The following C19orf38 variants were observed in gnomAD, a reference collection of about 807,000 sequenced individuals.
C19orf38 encodes protein HIDE1.
A neutral mutation model predicts 26.6 loss-of-function variants in C19orf38; 14 were observed. The ratio of observed to expected loss-of-function variants is 0.53; its 90% CI spans 0.35 to 0.82. C19orf38 has a LOEUF of 0.82. C19orf38 is among the 40% of genes least tolerant of loss of function. The pLI, the probability that C19orf38 is intolerant of heterozygous loss-of-function variation, is 0.01. For missense variants in C19orf38, 261 were observed against 299.5 expected, an observed-to-expected ratio of 0.87 and a Z score of 0.95; for synonymous variants, 132 against 128.5, an observed-to-expected ratio of 1.03 and a Z score of -0.18.
At chr19:10,848,051 C>T (rs952163422), upstream of C19orf38, among the ~76,000 whole-genome samples, 1 of 152,022 alleles carries the variant, frequency 6.6e-6, no homozygotes, top group African/African-American at 2.4e-5. Flanking sequence ...ATTAGCTGTG[C>T]ATGATGGCTC....
chr19:10,851,277 C>T (rs1023185684), intron 2 of C19orf38, among the ~76,000 whole-genome samples: 37 of 151,098 alleles, frequency 2.4e-4, no homozygotes, highest in Non-Finnish European at 8.8e-5. Flanking sequence ...CAGTCTCGAA[C>T]CCCTGACCTC....
chr19:10,840,567 G>A (rs1416945650), intron 1 of C19orf38, among the ~76,000 whole-genome samples: 1 of 152,156 alleles, frequency 6.6e-6, no homozygotes, highest in African/African-American at 2.4e-5. Context: ...TTGCCAGGCT[G>A]GAGTACAGTG....
intron 5 of C19orf38, among the ~76,000 whole-genome samples, chr19:10,861,060 T>C (rs531833398): frequency 6.9e-6 from 1 of 144,494 alleles, no homozygotes; most frequent in African/African-American, 2.6e-5. Context: ...GGAGAATCAC[T>C]TGAACCCAGG....
At chr19:10,857,359 TATATA>T (rs1210842659) in intron 3 of C19orf38, among the ~76,000 whole-genome samples, 2 of 87,646 alleles carry the variant, frequency 2.3e-5, no homozygotes, top group African/African-American at 1.6e-4. Flanking sequence ...TATATATATA[TATATA>T]TATTTTTTTT....
chr19:10,848,190 C>CA (rs1281420821), upstream of C19orf38, among the ~76,000 whole-genome samples: 7 of 151,744 alleles, frequency 4.6e-5, no homozygotes, highest in East Asian at 1.4e-3. Context: ...GACTCTGTCT[C>CA]AAAAAATAAA....
chr19:10,850,300 C>T lies in C19orf38; in HGVS notation c.73C>T (p.Pro25Ser). 1 of 1,550,990 alleles carries T rather than the reference C, an allele frequency of 6.4e-7. No homozygotes were observed. Among genetic ancestry groups the T allele is most frequent in the Non-Finnish European group, 8.7e-7 (1 of 1,146,952 alleles). The change falls in exon 2 of 7, where the codon CCG becomes TCG. Residue 25 changes from proline to serine, a missense_variant. Physicochemically the swap from Pro to Ser is moderately conservative, Grantham distance 74. Coordinates refer to ENST00000397820, the MANE Select transcript of C19orf38 (RefSeq NM_001136482.3). The part of the protein sequence containing the change: ...IPAPSIRLVP[P>S]YPSSQEDPIH... The stretch of plus-strand genomic sequence containing the variant: ...AGCACCATCCATCCGGCTGGTGCCC[C>T]CGTACCCAAGCAGCCAAGAGGACCC...
rs527401297 is a variant in C19orf38 at position 10,839,965 on chromosome 19, C to A, written c.-69+3195C>A. Among the ~76,000 whole-genome samples the A allele has an allele frequency of 2.6e-5, 4 of 152,288 alleles. No homozygotes were observed. In the South Asian group the frequency reaches 8.3e-4, roughly 32 times the overall value. On this transcript the variant is annotated intron_variant, in intron 1 of 7. Coordinates refer to the C19orf38 transcript ENST00000592854. ...CTTTAACTCCTGGGCTTAAGTGATT[C>A]TCCTGCCTCAGTGCCCAAAGCGCTG... is the stretch of plus-strand genomic sequence containing the variant.
intron 1 of C19orf38, among the ~76,000 whole-genome samples, chr19:10,848,798 C>T (rs1478398024): frequency 1.3e-5 from 2 of 152,208 alleles, no homozygotes; most frequent in East Asian, 3.9e-4. Context: ...TGTGCCCACA[C>T]CCCATGATTC....
chr19:10,849,830 G>A lies in C19orf38; in HGVS notation c.32-429G>A, dbSNP rs566511637. On this transcript the variant is annotated intron_variant, in intron 1 of 6. Transcript: ENST00000397820. ...TATAATCCCAGCACTTTGGGAGGCC[G>A]AGGTGGGGGGAGTCACACGAGGCCA... Among the ~76,000 whole-genome samples the A allele has an allele frequency of 7.8e-4, 119 of 152,180 alleles. No individual in the cohort carries two copies. The South Asian group carries it at 0.015, about 19-fold the overall frequency.
At chr19:10,858,040 G>A (rs943942783) in intron 3 of C19orf38, among the ~76,000 whole-genome samples, 1 of 151,598 alleles carries the variant, frequency 6.6e-6, no homozygotes, top group African/African-American at 2.4e-5. Context: ...GACCAGTCTG[G>A]CCAACATGAC....
At chr19:10,840,955 G>A (rs1020070043) in intron 1 of C19orf38, among the ~76,000 whole-genome samples, 2 of 151,842 alleles carry the variant, frequency 1.3e-5, no homozygotes, top group African/African-American at 4.8e-5. Flanking sequence ...TTTTTTGTTT[G>A]TTTGTTTGTT....
chr19:10,856,822 AG>A (rs1178748801), intron 3 of C19orf38, among the ~76,000 whole-genome samples: 1 of 151,626 alleles, frequency 6.6e-6, no homozygotes, highest in African/African-American at 2.4e-5. Context: ...TTTTATTTGG[AG>A]ACTCAGTCTG....
chr19:10,839,170 G>T (rs1019027487), intron 1 of C19orf38, among the ~76,000 whole-genome samples: 2 of 152,178 alleles, frequency 1.3e-5, no homozygotes, highest in African/African-American at 4.8e-5. Flanking sequence ...CTCCCAAAGT[G>T]CTGGGATTAC....
chr19:10,865,533 G>A (rs150500086), intron 6 of C19orf38, among the ~76,000 whole-genome samples: 194 of 152,064 alleles, frequency 1.3e-3, no homozygotes, highest in African/African-American at 4.4e-3. Context: ...TTAAGAGGCC[G>A]AGGTGGGAAG....
chr19:10,851,639 C>G (rs1023049848), intron 2 of C19orf38, among the ~76,000 whole-genome samples: 9 of 152,048 alleles, frequency 5.9e-5, no homozygotes, highest in African/African-American at 2.2e-4. Flanking sequence ...TTAAGACCAG[C>G]CTGGCCAACA....
rs180712513 is a variant in C19orf38 at position 10,842,020 on chromosome 19, A to G, written c.-69+5250A>G. 699 of 1,610,880 alleles carry G rather than the reference A, an allele frequency of 4.3e-4. 4 individuals are homozygous for G. In the African/African-American group the frequency reaches 8.3e-3, roughly 19 times the overall value. Reference sequence around the variant, plus strand: ...AGCCAACATCCTTTTGGAGCCATGAATATTGTCCGAACTCCATCTGTTGCT... The same window carrying G: ...AGCCAACATCCTTTTGGAGCCATGAGTATTGTCCGAACTCCATCTGTTGCT... On this transcript the variant is annotated intron_variant, in intron 1 of 7. Transcript: ENST00000592854.
At chr19:10,852,331 A>C (rs997837314) in intron 2 of C19orf38, among the ~76,000 whole-genome samples, 8 of 152,166 alleles carry the variant, frequency 5.3e-5, no homozygotes, top group Admixed American at 2.6e-4. Context: ...GCCCAAAGAC[A>C]TTCCAGGCTG....
chr19:10,869,457 T>C lies in C19orf38; in HGVS notation c.*90T>C. ...TCTGGGGGGGCTCTGTCAGCCACTT[T>C]CTCAGGGAATTGGACAGAGGAAAGG... On this transcript the variant is annotated 3_prime_UTR_variant, in exon 7 of 7. Coordinates refer to ENST00000397820, the MANE Select transcript of C19orf38 (RefSeq NM_001136482.3). 1 of 1,422,462 alleles carries C rather than the reference T, an allele frequency of 7.0e-7. No homozygotes were observed. The highest frequency in any genetic ancestry group is 9.3e-7 in the Non-Finnish European group (1 of 1,076,422). 88.1% of individuals were successfully genotyped at this position (1,422,462 alleles called of 1,614,324 possible).
chr19:10,865,873 C>T (rs2073746299), intron 6 of C19orf38, among the ~76,000 whole-genome samples: 1 of 151,752 alleles, frequency 6.6e-6, no homozygotes, highest in African/African-American at 2.4e-5. Flanking sequence ...AGTGCAGGGG[C>T]ACCATCATAG....
Sources: allele counts gnomAD v4.1 joint callset (sites outside exome capture counted in the v4.1 genomes callset), GRCh38; gene constraint gnomAD v4.1.1; transcripts MANE v1.5; gene names NCBI Gene and HGNC (gene_info 2026-07-23, HGNC 2026-07-21).